IGF2BP2: variants seen among roughly 807,000 people sequenced by gnomAD.
IGF2BP2 encodes the protein insulin-like growth factor 2 mRNA-binding protein 2.
In IGF2BP2, 17 loss-of-function variants were observed where a neutral mutation model predicts 75.8. The ratio of observed to expected loss-of-function variants is 0.22; its 90% CI spans 0.15 to 0.34. The LOEUF (loss-of-function observed/expected upper bound fraction) is 0.34, where lower values mean the gene tolerates loss of function less well. Among genes scored for constraint, IGF2BP2 ranks in the 10% least tolerant of loss-of-function variants. The pLI is 1.00. For missense variants in IGF2BP2, 516 were observed against 772.4 expected (o/e 0.67, Z 3.93); for synonymous variants, 288 against 295.6 (o/e 0.97, Z 0.26).
At chr3:185,755,377 C>A (rs1394530608) in intron 2 of IGF2BP2, among the ~76,000 whole-genome samples, 1 of 152,194 alleles carries the variant, frequency 6.6e-6, no homozygotes, top group Non-Finnish European at 1.5e-5. Context: ...AGGCTTGGCA[C>A]CCCCTGCGTA....
intron 6 of IGF2BP2, 100 bp downstream of exon 6, chr3:185,689,255 C>G (rs1049725792): frequency 9.8e-6 from 12 of 1,229,664 alleles, no homozygotes; most frequent in South Asian, 1.4e-5. Flanking sequence ...CACAGCCCCC[C>G]ACTGCTGATG....
chr3:185,658,274 A>G, intron 11 of IGF2BP2, 67 bp downstream of exon 11: 2 of 1,433,152 alleles, frequency 1.4e-6, no homozygotes, highest in Non-Finnish European at 2.0e-6. Context: ...TTCACTGGCC[A>G]CCAAGGGCCA....
At chr3:185,683,892 G>C (rs775903708) in intron 7 of IGF2BP2, among the ~76,000 whole-genome samples, 10 of 152,214 alleles carry the variant, frequency 6.6e-5, no homozygotes, top group Admixed American at 2.0e-4. Context: ...GAGGAACGTA[G>C]AGCAGAAAAA....
At chr3:185,706,398 G>A (rs1026556946) in intron 2 of IGF2BP2, among the ~76,000 whole-genome samples, 4 of 152,118 alleles carry the variant, frequency 2.6e-5, no homozygotes, top group African/African-American at 9.7e-5. Context: ...TACCGAGTGA[G>A]ACCCTCTCTC....
At chr3:185,665,713 T>C (rs1717458692) in intron 10 of IGF2BP2, among the ~76,000 whole-genome samples, 1 of 152,152 alleles carries the variant, frequency 6.6e-6, no homozygotes, top group Non-Finnish European at 1.5e-5. Context: ...ACACCTGTAA[T>C]CCCAGCACTT....
At chr3:185,709,983 C>A (rs1724568250) in intron 2 of IGF2BP2, among the ~76,000 whole-genome samples, 1 of 151,940 alleles carries the variant, frequency 6.6e-6, no homozygotes, top group Non-Finnish European at 1.5e-5. Flanking sequence ...TACTAAGGAC[C>A]CATTATAGGC....
Position 185,711,367 on chromosome 3 carries a change from G to A in IGF2BP2, c.240-13020C>T, listed in dbSNP as rs74408684. 3.2e-4 allele frequency among the ~76,000 whole-genome samples: 49 copies of A among 152,332 alleles called. 1 individual carries two copies. Among genetic ancestry groups the A allele is most frequent in the African/African-American group, 1.1e-3 (47 of 41,580 alleles). On this transcript the variant is annotated intron_variant, in intron 2 of 15. Transcript: ENST00000382199. The stretch of plus-strand genomic sequence containing the variant: ...GTGACATGTGCACCGCAGTCTCTCA[G>A]TGAACCTGATGAATGAATGAACATG...
At chr3:185,736,544 G>A (rs1212426889) in intron 2 of IGF2BP2, among the ~76,000 whole-genome samples, 1 of 152,170 alleles carries the variant, frequency 6.6e-6, no homozygotes, top group Non-Finnish European at 1.5e-5. Flanking sequence ...CCCATGCGAT[G>A]GCAACATCTT....
chr3:185,752,565 G>T (rs990794741), intron 2 of IGF2BP2, among the ~76,000 whole-genome samples: 3 of 151,926 alleles, frequency 2.0e-5, no homozygotes, highest in African/African-American at 7.3e-5. Flanking sequence ...ATTCCCCAGG[G>T]CCTAAAGGTA....
chr3:185,805,074 C>G (rs893310615), intron 2 of IGF2BP2, among the ~76,000 whole-genome samples: 3 of 152,102 alleles, frequency 2.0e-5, no homozygotes, highest in African/African-American at 7.2e-5. Flanking sequence ...AATGCTCAAC[C>G]ATTTTCATTC....
At chr3:185,718,310 G>A (rs1725961546) in intron 2 of IGF2BP2, 1 of 152,310 alleles carries the variant, frequency 6.6e-6, no homozygotes, top group Non-Finnish European at 1.5e-5. Flanking sequence ...CCTTGGACTA[G>A]TGGGGCAGAT....
At chr3:185,670,575 T>C (rs114534486) in intron 10 of IGF2BP2, among the ~76,000 whole-genome samples, 4,354 of 152,300 alleles carry the variant, frequency 0.029, 107 homozygotes, top group Non-Finnish European at 0.041. Context: ...TATTTATTTA[T>C]TTATTTATTT....
At chr3:185,649,276 G>T in intron 14 of IGF2BP2, 127 bp downstream of exon 14, 1 of 1,287,406 alleles carries the variant, frequency 7.8e-7, no homozygotes, top group Non-Finnish European at 1.1e-6. Flanking sequence ...GAGAGCCTTA[G>T]TTTATCTGCC....
intron 2 of IGF2BP2, among the ~76,000 whole-genome samples, chr3:185,816,474 A>G (rs1462199335): frequency 2.6e-5 from 4 of 152,216 alleles, no homozygotes; most frequent in African/African-American, 7.2e-5. Flanking sequence ...GTATTTTCAT[A>G]TATTTCTACC....
At chr3:185,815,171 T>C (rs1740442680) in intron 2 of IGF2BP2, among the ~76,000 whole-genome samples, 1 of 152,238 alleles carries the variant, frequency 6.6e-6, no homozygotes, top group South Asian at 2.1e-4. Context: ...TTTCTCTTTA[T>C]ATAATTATAA....
chr3:185,823,103 C>A, intron 2 of IGF2BP2, 50 bp downstream of exon 2: 1 of 1,295,358 alleles, frequency 7.7e-7, no homozygotes. Context: ...ACGTTTTTTA[C>A]TTATACGTAA....
intron 2 of IGF2BP2, among the ~76,000 whole-genome samples, chr3:185,821,327 A>G (rs1460775833): frequency 6.6e-6 from 1 of 152,214 alleles, no homozygotes; most frequent in Non-Finnish European, 1.5e-5. Context: ...CATCGCCCAC[A>G]TGTTCAAAGA....
intron 2 of IGF2BP2, among the ~76,000 whole-genome samples, chr3:185,722,998 T>C (rs1726787591): frequency 6.6e-6 from 1 of 152,224 alleles, no homozygotes; most frequent in Non-Finnish European, 1.5e-5. Context: ...AAGGGGTATG[T>C]CATTTTGTTC....
intron 4 of IGF2BP2, among the ~76,000 whole-genome samples, chr3:185,694,751 T>C (rs1325156792): frequency 6.6e-6 from 1 of 152,246 alleles, no homozygotes; most frequent in East Asian, 1.9e-4. Context: ...TACAGGTTCA[T>C]GTCTGCAAGA....
Sources: gnomAD v4.1 joint callset for allele counts (sites outside exome capture counted in the v4.1 genomes callset) on GRCh38, gnomAD v4.1.1 for gene constraint, MANE v1.5 for transcripts, NCBI Gene and HGNC (gene_info 2026-07-23, HGNC 2026-07-21) for gene names.